PDGFD: variants seen among roughly 807,000 people sequenced by gnomAD.
The protein encoded by PDGFD is platelet derived growth factor D.
Under a neutral mutation model 44.7 loss-of-function variants are expected in PDGFD, and 30 were observed. That is an observed-to-expected ratio of 0.67 (90% CI 0.50 to 0.91). PDGFD has a LOEUF of 0.91. Ranked by LOEUF, PDGFD falls within the 40% of genes least tolerant of loss-of-function variation. PDGFD has a pLI of 0.00. For synonymous variants in PDGFD, 173 were observed against 168.4 expected (o/e 1.03, Z -0.21); for missense variants, 445 against 457.8 (o/e 0.97, Z 0.25).
intron 1 of PDGFD, among the ~76,000 whole-genome samples, chr11:104,082,792 C>T (rs553519286): frequency 1.1e-4 from 16 of 152,038 alleles, no homozygotes; most frequent in Admixed American, 3.9e-4. Flanking sequence ...CCACTACACC[C>T]GGCTAATATT....
chr11:104,014,930 T>C lies in PDGFD; in HGVS notation c.125-14675A>G, dbSNP rs377311974. Among the ~76,000 whole-genome samples the C allele has an allele frequency of 1.8e-4, 28 of 152,356 alleles. No individual in the cohort carries two copies. The South Asian group carries it at 5.8e-3, about 32-fold the overall frequency. ...TTATTGAGATTTTACAGAGTGCCTG[T>C]TGGGAATTAGGAGCTGCATTTAGAT... On this transcript the variant is annotated intron_variant, in intron 1 of 6. Transcript: ENST00000393158.
At chr11:104,003,294 TA>T (rs1859647810) in intron 1 of PDGFD, among the ~76,000 whole-genome samples, 1 of 152,222 alleles carries the variant, frequency 6.6e-6, no homozygotes. Context: ...CTAGAAGCTT[TA>T]AAGGAACTAT....
At chr11:103,929,898 G>C (rs1191162505) in intron 5 of PDGFD, among the ~76,000 whole-genome samples, 1 of 152,124 alleles carries the variant, frequency 6.6e-6, no homozygotes, top group Non-Finnish European at 1.5e-5. Flanking sequence ...AGACTTCTGG[G>C]AGGGAGACAG....
Position 104,038,018 on chromosome 11 carries a change from C to T in PDGFD, c.125-37763G>A, listed in dbSNP as rs201865932. 6.0e-5 allele frequency: 96 copies of T among 1,606,290 alleles called. No homozygotes were observed. The East Asian group carries it at 1.2e-3, about 21-fold the overall frequency. ...TCAGGACGAAAAGAGCATTAAAGCA[C>T]GTTATAAATATGTTACCACCTTGAG... is the stretch of plus-strand genomic sequence containing the variant. On this transcript the variant is annotated intron_variant, in intron 1 of 6. Coordinates refer to ENST00000393158, the MANE Select transcript of PDGFD (RefSeq NM_025208.5).
intron 3 of PDGFD, among the ~76,000 whole-genome samples, chr11:103,971,953 G>A (rs1464329060): frequency 1.3e-5 from 2 of 152,166 alleles, no homozygotes; most frequent in East Asian, 1.9e-4. Flanking sequence ...AAATGGTGAA[G>A]GGAGGTTTTG....
intron 3 of PDGFD, among the ~76,000 whole-genome samples, chr11:103,957,351 A>G (rs1286726324): frequency 6.6e-6 from 1 of 152,142 alleles, no homozygotes; most frequent in African/African-American, 2.4e-5. Context: ...TTCTTCACAG[A>G]ATTGGAAAAA....
chr11:104,144,369 G>A (rs1214694222), intron 1 of PDGFD, among the ~76,000 whole-genome samples: 5 of 151,688 alleles, frequency 3.3e-5, no homozygotes, highest in African/African-American at 7.3e-5. Flanking sequence ...AGCCAGGCAC[G>A]GTGGCACACG....
At chr11:103,956,312 G>A (rs1858846798) in intron 3 of PDGFD, among the ~76,000 whole-genome samples, 1 of 151,460 alleles carries the variant, frequency 6.6e-6, no homozygotes, top group Non-Finnish European at 1.5e-5. Context: ...AACAGGCGGT[G>A]TTTGGTTTTT....
At chr11:104,017,348 G>GT (rs140935866) in intron 1 of PDGFD, among the ~76,000 whole-genome samples, 57 of 151,438 alleles carry the variant, frequency 3.8e-4, no homozygotes, top group African/African-American at 6.5e-4. Flanking sequence ...GTGTTTTTCC[G>GT]TTTTTTTTGT....
chr11:103,922,547 T>C (rs766311484), intron 6 of PDGFD, among the ~76,000 whole-genome samples: 3 of 131,264 alleles, frequency 2.3e-5, no homozygotes, highest in Non-Finnish European at 5.2e-5. Flanking sequence ...GAAAGAAGAA[T>C]TCCCCCCCGC....
chr11:104,148,951 T>C (rs562028462), intron 1 of PDGFD, among the ~76,000 whole-genome samples: 2 of 152,298 alleles, frequency 1.3e-5, no homozygotes, highest in East Asian at 1.9e-4. Context: ...TAGCATTCCA[T>C]GGTGTATATG....
intron 1 of PDGFD, among the ~76,000 whole-genome samples, chr11:104,008,325 A>C (rs1348718878): frequency 6.6e-6 from 1 of 152,154 alleles, no homozygotes; most frequent in Admixed American, 6.5e-5. Flanking sequence ...CAAATCTCAA[A>C]TCTTCAATGG....
At chr11:103,989,050 ATAT>A (rs1859412152) in intron 3 of PDGFD, among the ~76,000 whole-genome samples, 1 of 152,108 alleles carries the variant, frequency 6.6e-6, no homozygotes. Context: ...TATATTTAAC[ATAT>A]TATTATCATC....
intron 3 of PDGFD, among the ~76,000 whole-genome samples, chr11:103,987,812 A>G (rs146747919): frequency 1.6e-4 from 24 of 152,016 alleles, no homozygotes; most frequent in Admixed American, 1.2e-3. Context: ...TTATGCAGGC[A>G]ACGCCCTCTT....
intron 1 of PDGFD, among the ~76,000 whole-genome samples, chr11:104,028,064 C>T (rs531517480): frequency 6.6e-6 from 1 of 152,018 alleles, no homozygotes; most frequent in South Asian, 2.1e-4. Flanking sequence ...GTGACAGGCG[C>T]CTGTAGTCCC....
At chr11:103,996,303 A>G in intron 2 of PDGFD, 58 bp from the exon 3 acceptor site, 1 of 1,399,704 alleles carries the variant, frequency 7.1e-7, no homozygotes, top group South Asian at 1.2e-5. Flanking sequence ...TGAAATTCAT[A>G]CTTTCACTGA....
intron 1 of PDGFD, among the ~76,000 whole-genome samples, chr11:104,072,189 G>A (rs1268187900): frequency 1.3e-5 from 2 of 151,848 alleles, no homozygotes; most frequent in African/African-American, 4.8e-5. Flanking sequence ...AATTAATTTA[G>A]TGTGAACTGA....
intron 6 of PDGFD, among the ~76,000 whole-genome samples, chr11:103,919,660 C>T (rs112842906): frequency 0.016 from 2,445 of 151,972 alleles, 28 homozygotes; most frequent in South Asian, 0.044. Flanking sequence ...AGGCACGTGC[C>T]ACCACGCCTG....
At chr11:104,159,353 G>A in intron 1 of PDGFD, among the ~76,000 whole-genome samples, 1 of 151,952 alleles carries the variant, frequency 6.6e-6, no homozygotes, top group East Asian at 1.9e-4. Context: ...GCGCAGATGA[G>A]GTAGACACAT....
Sources: allele counts gnomAD v4.1 joint callset (sites outside exome capture counted in the v4.1 genomes callset), GRCh38; gene constraint gnomAD v4.1.1; transcripts MANE v1.5; gene names NCBI Gene and HGNC (gene_info 2026-07-23, HGNC 2026-07-21).